Variants in TYW1 observed in about 807,000 individuals in gnomAD.
TYW1 encodes tRNA-yW synthesizing protein 1 homolog.
A neutral mutation model predicts 96.2 loss-of-function variants in TYW1; 46 were observed. The observed-to-expected ratio is 0.48, with a 90% CI of 0.38 to 0.61. The LOEUF (loss-of-function observed/expected upper bound fraction) is 0.61, where lower values mean the gene tolerates loss of function less well. TYW1 is among the 20% of genes least tolerant of loss of function. The probability of loss-of-function intolerance (pLI) is 0.00; values close to 1 mark genes in which losing one functional copy is unlikely to be tolerated. For synonymous variants in TYW1, 274 were observed against 323.0 expected (o/e 0.85, Z 1.63); for missense variants, 684 against 909.6 (o/e 0.75, Z 3.19).
intron 7 of TYW1, among the ~76,000 whole-genome samples, chr7:67,027,697 G>A (rs1471254908): frequency 3.9e-5 from 6 of 152,096 alleles, no homozygotes; most frequent in Non-Finnish European, 7.4e-5. Context: ...TTGGGAGGTC[G>A]AGGCAGGCAG....
intron 13 of TYW1, among the ~76,000 whole-genome samples, chr7:67,149,026 A>G (rs934145675): frequency 6.6e-6 from 1 of 152,146 alleles, no homozygotes; most frequent in African/African-American, 2.4e-5. Context: ...GGTCTTGACT[A>G]AGAGACCAGT....
intron 14 of TYW1, among the ~76,000 whole-genome samples, chr7:67,188,679 G>A (rs1009749502): frequency 5.9e-5 from 9 of 152,112 alleles, no homozygotes; most frequent in Non-Finnish European, 1.0e-4. Flanking sequence ...TTCCCTACCC[G>A]TGCGTTTGGT....
At position 67,195,202 on chromosome 7, in the gene TYW1, C is replaced by G. The variant is rs775190966; in HGVS notation, c.1842C>G (p.Ser614Arg). 2 of 1,613,906 alleles carry G rather than the reference C, an allele frequency of 1.2e-6. No homozygotes were observed. The highest frequency in any genetic ancestry group is 1.7e-5 in the Admixed American group (1 of 59,992). The change falls in exon 15 of 16, where the codon AGC becomes AGG. Residue 614 changes from serine to arginine, a missense_variant. Ser to Arg is a moderately radical substitution (Grantham distance 110). Coordinates refer to ENST00000359626, the MANE Select transcript of TYW1 (RefSeq NM_018264.4). ...CCTACTGCGGAGAAAGTTCAGCAAG[C>G]AGTCTTACCATGGCCCACGTGCCCT... is the stretch of plus-strand genomic sequence containing the variant. ...GVTYCGESSA[S>R]SLTMAHVPWH...
chr7:67,139,098 G>C (rs1798361314), intron 13 of TYW1, among the ~76,000 whole-genome samples: 1 of 152,124 alleles, frequency 6.6e-6, no homozygotes, highest in African/African-American at 2.4e-5. Context: ...CTGTCGCCCA[G>C]GCTGGAGTGC....
intron 13 of TYW1, among the ~76,000 whole-genome samples, chr7:67,135,263 A>G (rs1040035784): frequency 6.7e-6 from 1 of 148,932 alleles, no homozygotes; most frequent in South Asian, 2.1e-4. Flanking sequence ...CATTGTCATC[A>G]CCCCAACCAA....
intron 9 of TYW1, among the ~76,000 whole-genome samples, chr7:67,057,245 C>G (rs1347738895): frequency 6.6e-6 from 1 of 152,016 alleles, no homozygotes; most frequent in Non-Finnish European, 1.5e-5. Context: ...GATCTCTTGA[C>G]CTCGTGATCT....
intron 13 of TYW1, among the ~76,000 whole-genome samples, chr7:67,154,514 C>T (rs1243423880): frequency 6.6e-6 from 1 of 150,620 alleles, no homozygotes; most frequent in Middle Eastern, 3.2e-3. Flanking sequence ...ATTGTATCAT[C>T]CCATTCTCTC....
At chr7:67,146,132 TATAATC>T (rs890706336) in intron 13 of TYW1, among the ~76,000 whole-genome samples, 16 of 152,268 alleles carry the variant, frequency 1.1e-4, no homozygotes, top group Non-Finnish European at 2.4e-4. Context: ...GGTTCATAGT[TATAATC>T]ATACTATGTG....
chr7:67,116,928 G>T (rs35308724), intron 12 of TYW1, among the ~76,000 whole-genome samples: 2 of 152,106 alleles, frequency 1.3e-5, no homozygotes, highest in African/African-American at 4.8e-5. Context: ...CCCCAAATGG[G>T]TCATTGTTTG....
At chr7:67,077,330 C>G (rs1009526208) in intron 10 of TYW1, among the ~76,000 whole-genome samples, 1 of 152,146 alleles carries the variant, frequency 6.6e-6, no homozygotes, top group Admixed American at 6.5e-5. Context: ...ATATTGTTTT[C>G]CATAATGACT....
Position 67,108,470 on chromosome 7 carries a change from C to T in TYW1, c.1563-9013C>T, listed in dbSNP as rs564073658. Among the ~76,000 whole-genome samples, 5 of 142,306 alleles carry T rather than the reference C, an allele frequency of 3.5e-5. No individual in the cohort carries two copies. The South Asian group carries it at 1.1e-3, about 31-fold the overall frequency. 93.4% of individuals were successfully genotyped at this position (142,306 alleles called of 152,430 possible). A position where few individuals can be genotyped will look rare whatever the true frequency, so the allele number is the denominator to read the frequency against. On this transcript the variant is annotated intron_variant, in intron 12 of 15. Transcript: ENST00000359626. ...TTTTTTTTTTTTTTTGAGACAGGGTCTCACCCTGTCACCCAGCCTGGAGTG... is the reference window on the plus strand; with the variant it reads ...TTTTTTTTTTTTTTTGAGACAGGGTTTCACCCTGTCACCCAGCCTGGAGTG...
intron 11 of TYW1, among the ~76,000 whole-genome samples, chr7:67,091,043 A>G (rs1350998607): frequency 1.3e-5 from 2 of 152,162 alleles, no homozygotes; most frequent in Admixed American, 6.6e-5. Context: ...ATACCATTTG[A>G]CCCAGCCATC....
intron 13 of TYW1, among the ~76,000 whole-genome samples, chr7:67,145,298 G>A (rs1385636446): frequency 2.0e-5 from 3 of 151,608 alleles, no homozygotes; most frequent in South Asian, 2.1e-4. Context: ...ACAGGTGCCC[G>A]CCAGCACGCC....
chr7:67,232,482 A>G (rs145314556), intron 15 of TYW1, among the ~76,000 whole-genome samples: 5,690 of 150,678 alleles, frequency 0.038, 332 homozygotes, highest in African/African-American at 0.13. Context: ...GGAGGTTGCA[A>G]TGAAGCCGAG....
intron 13 of TYW1, among the ~76,000 whole-genome samples, chr7:67,135,515 G>C (rs1450138602): frequency 6.6e-6 from 1 of 151,544 alleles, no homozygotes. Flanking sequence ...TATTGGCCAG[G>C]CTGGTCTTGA....
intron 13 of TYW1, among the ~76,000 whole-genome samples, chr7:67,182,021 G>A: frequency 6.6e-6 from 1 of 152,024 alleles, no homozygotes; most frequent in Admixed American, 6.6e-5. Flanking sequence ...TAGAGACGGG[G>A]TTTCACCATG....
intron 7 of TYW1, among the ~76,000 whole-genome samples, chr7:67,046,356 C>T (rs978856288): frequency 1.3e-5 from 2 of 152,110 alleles, no homozygotes; most frequent in Non-Finnish European, 2.9e-5. Context: ...CTCGAGTTAC[C>T]TGACCTACAA....
intron 12 of TYW1, among the ~76,000 whole-genome samples, chr7:67,105,811 G>T (rs1797221370): frequency 6.6e-6 from 1 of 151,398 alleles, no homozygotes; most frequent in Admixed American, 6.6e-5. Flanking sequence ...TGAGTAAGGA[G>T]AGAATATTCT....
At chr7:67,224,222 G>A (rs1434461260) in intron 15 of TYW1, among the ~76,000 whole-genome samples, 2 of 152,196 alleles carry the variant, frequency 1.3e-5, no homozygotes, top group Admixed American at 6.5e-5. Flanking sequence ...CCGCCTCCCG[G>A]GTTCAAGTGA....
Sources: allele counts gnomAD v4.1 joint callset (sites outside exome capture counted in the v4.1 genomes callset), GRCh38; gene constraint gnomAD v4.1.1; transcripts MANE v1.5; gene names NCBI Gene and HGNC (gene_info 2026-07-23, HGNC 2026-07-21).